NDUFAF2: variants seen among roughly 807,000 people sequenced by gnomAD.
NDUFAF2 encodes NADH:ubiquinone oxidoreductase complex assembly factor 2.
A neutral mutation model predicts 22.8 loss-of-function variants in NDUFAF2; 13 were observed. The observed-to-expected ratio is 0.57, with a 90% CI of 0.37 to 0.91. The LOEUF (loss-of-function observed/expected upper bound fraction) is 0.91, where lower values mean the gene tolerates loss of function less well. Ranked by LOEUF, NDUFAF2 falls within the 40% of genes least tolerant of loss-of-function variation. The pLI is 0.01. For missense variants in NDUFAF2, 162 were observed against 195.2 expected (o/e 0.83, Z 1.01); for synonymous variants, 53 against 64.2 (o/e 0.83, Z 0.84).
rs561250616 is a variant in NDUFAF2, at chr5:61,070,535, G to T, written c.128-2590G>T. On this transcript the variant is annotated intron_variant, in intron 1 of 3. Transcript: ENST00000296597. ...TTATTTCAACTATTTCTAAATAAAG[G>T]TTTATTCAGTGATTGTCCTGAAATT... 3.2e-4 allele frequency among the ~76,000 whole-genome samples: 48 copies of T among 150,512 alleles called. 1 individual carries two copies. Among genetic ancestry groups the T allele is most frequent in the African/African-American group, 1.2e-3 (48 of 40,998 alleles).
chr5:60,967,319 G>C (rs1350687750), intron 1 of NDUFAF2, among the ~76,000 whole-genome samples: 1 of 151,852 alleles, frequency 6.6e-6, no homozygotes, highest in South Asian at 2.1e-4. Flanking sequence ...TTCTGATTCA[G>C]ATGTCTTTTA....
chr5:61,018,250 G>C (rs1751537555), intron 1 of NDUFAF2, among the ~76,000 whole-genome samples: 1 of 152,160 alleles, frequency 6.6e-6, no homozygotes, highest in African/African-American at 2.4e-5. Context: ...CATCATGTTA[G>C]AGCCTGAACT....
intron 1 of NDUFAF2, among the ~76,000 whole-genome samples, chr5:60,984,212 G>A (rs1480551205): frequency 6.6e-6 from 1 of 152,176 alleles, no homozygotes; most frequent in East Asian, 1.9e-4. Context: ...TGTTATTGGT[G>A]TATAAGAATG....
chr5:60,980,414 C>G (rs1011424745), intron 1 of NDUFAF2, among the ~76,000 whole-genome samples: 1 of 152,046 alleles, frequency 6.6e-6, no homozygotes, highest in African/African-American at 2.4e-5. Context: ...AATCCTATTC[C>G]TATTCCAGAG....
At chr5:61,113,569 TAGTA>T (rs1473908451) in intron 3 of NDUFAF2, among the ~76,000 whole-genome samples, 2 of 152,106 alleles carry the variant, frequency 1.3e-5, no homozygotes, top group Non-Finnish European at 2.9e-5. Context: ...GATCTCATGA[TAGTA>T]AGTGAGTTCT....
chr5:61,067,020 C>G (rs1412770993), intron 1 of NDUFAF2, among the ~76,000 whole-genome samples: 1 of 152,054 alleles, frequency 6.6e-6, no homozygotes, highest in African/African-American at 2.4e-5. Context: ...ATCTAATGTT[C>G]ATGAGGACTG....
chr5:60,968,506 A>G (rs918563013), intron 1 of NDUFAF2, among the ~76,000 whole-genome samples: 4 of 151,702 alleles, frequency 2.6e-5, no homozygotes, highest in African/African-American at 7.3e-5. Context: ...GTTACACGCT[A>G]TAAGTTTTGG....
chr5:61,134,513 A>G (rs159376), intron 3 of NDUFAF2, among the ~76,000 whole-genome samples: 91,324 of 151,860 alleles, frequency 0.6, 28,217 homozygotes, highest in East Asian at 0.94. Context: ...GTGAAACCCC[A>G]TCTCTACTAA....
intron 1 of NDUFAF2, among the ~76,000 whole-genome samples, chr5:60,999,753 T>A (rs162249): frequency 0.67 from 102,274 of 151,944 alleles, 34,773 homozygotes; most frequent in East Asian, 0.94. Flanking sequence ...TTACACTAGT[T>A]TGTAGGATGA....
chr5:60,952,171 C>CT (rs2112563114), intron 1 of NDUFAF2, among the ~76,000 whole-genome samples: 1 of 151,844 alleles, frequency 6.6e-6, no homozygotes, highest in African/African-American at 2.4e-5. Context: ...TTGAGTTTCA[C>CT]TGATTTTTCT....
At chr5:61,007,256 C>T (rs558235444) in intron 1 of NDUFAF2, among the ~76,000 whole-genome samples, 18 of 151,764 alleles carry the variant, frequency 1.2e-4, no homozygotes, top group African/African-American at 3.4e-4. Context: ...TTAGGTCTAA[C>T]GTTTAAGTCT....
At chr5:61,063,028 A>G (rs1455389825) in intron 1 of NDUFAF2, among the ~76,000 whole-genome samples, 1 of 152,186 alleles carries the variant, frequency 6.6e-6, no homozygotes, top group Non-Finnish European at 1.5e-5. Flanking sequence ...CATTACTGCT[A>G]GTCCTTCCAT....
intron 1 of NDUFAF2, among the ~76,000 whole-genome samples, chr5:61,023,039 C>T (rs540863688): frequency 2.6e-5 from 4 of 152,150 alleles, no homozygotes; most frequent in African/African-American, 4.8e-5. Context: ...TTCCTAGACC[C>T]GGGAAGGGAT....
intron 1 of NDUFAF2, among the ~76,000 whole-genome samples, chr5:60,947,755 G>A (rs1750481668): frequency 8.3e-6 from 1 of 120,086 alleles, no homozygotes; most frequent in African/African-American, 3.2e-5. Context: ...GACAGAGTGA[G>A]ACTCCACCTC....
intron 3 of NDUFAF2, among the ~76,000 whole-genome samples, chr5:61,106,801 G>A (rs556045991): frequency 1.3e-5 from 2 of 150,972 alleles, no homozygotes; most frequent in South Asian, 2.1e-4. Flanking sequence ...TTCTATGCCT[G>A]CCTTATTTCA....
intron 1 of NDUFAF2, among the ~76,000 whole-genome samples, chr5:61,037,477 G>A (rs1051962558): frequency 5.8e-4 from 89 of 152,252 alleles, no homozygotes; most frequent in African/African-American, 2.0e-3. Context: ...CTCAGGGTTC[G>A]TGCTTTTTAA....
At chr5:60,967,412 T>G (rs1750772120) in intron 1 of NDUFAF2, among the ~76,000 whole-genome samples, 1 of 152,100 alleles carries the variant, frequency 6.6e-6, no homozygotes, top group South Asian at 2.1e-4. Flanking sequence ...CATCCTTGTC[T>G]TGATTCGGAT....
intron 1 of NDUFAF2, among the ~76,000 whole-genome samples, chr5:60,974,534 A>G (rs1332256420): frequency 1.3e-5 from 2 of 152,066 alleles, no homozygotes; most frequent in African/African-American, 4.8e-5. Context: ...GGACCCTGAC[A>G]AATTCACAGG....
At chr5:61,110,291 A>G (rs1752822400) in intron 3 of NDUFAF2, among the ~76,000 whole-genome samples, 1 of 150,502 alleles carries the variant, frequency 6.6e-6, no homozygotes, top group African/African-American at 2.4e-5. Context: ...TTTTTTTTAA[A>G]TGTATCTTTG....
Sources: gnomAD v4.1 joint callset for allele counts (sites outside exome capture counted in the v4.1 genomes callset) on GRCh38, gnomAD v4.1.1 for gene constraint, MANE v1.5 for transcripts, NCBI Gene and HGNC (gene_info 2026-07-23, HGNC 2026-07-21) for gene names.